Variants in NCOA2 observed in about 807,000 individuals in gnomAD.
The protein encoded by NCOA2 is nuclear receptor coactivator 2.
A neutral mutation model predicts 145.1 loss-of-function variants in NCOA2; 21 were observed. That is an observed-to-expected ratio of 0.14 (90% CI 0.10 to 0.21). NCOA2 has a LOEUF of 0.21. NCOA2 is among the 10% of genes least tolerant of loss of function. The probability of loss-of-function intolerance (pLI) is 1.00; values close to 1 mark genes in which losing one functional copy is unlikely to be tolerated. For missense variants in NCOA2, 1,472 were observed against 1,837.6 expected (o/e 0.80, Z 3.64); for synonymous variants, 619 against 637.5 (o/e 0.97, Z 0.44).
chr8:70,242,072 C>A (rs921737877), intron 2 of NCOA2, among the ~76,000 whole-genome samples: 2 of 152,092 alleles, frequency 1.3e-5, no homozygotes, highest in Non-Finnish European at 2.9e-5. Flanking sequence ...ATTTATCATT[C>A]ATTTTGACTA....
At chr8:70,271,999 C>T (rs1430236557) in intron 2 of NCOA2, among the ~76,000 whole-genome samples, 1 of 152,178 alleles carries the variant, frequency 6.6e-6, no homozygotes, top group African/African-American at 2.4e-5. Flanking sequence ...GAATTCTTCA[C>T]ACATGTGTAA....
chr8:70,314,196 AAAAAAAAAAAAAG>A (rs1805376023), intron 1 of NCOA2, among the ~76,000 whole-genome samples: 1 of 146,688 alleles, frequency 6.8e-6, no homozygotes, highest in South Asian at 2.1e-4. Flanking sequence ...AAAAAAAAAA[AAAAAAAAAAAAAG>A]CAACTGTCAT....
At chr8:70,426,311 A>G in the NCOA2 span, among the ~76,000 whole-genome samples, 2 of 152,252 alleles carry the variant, frequency 1.3e-5, no homozygotes, top group Non-Finnish European at 2.9e-5. Flanking sequence ...ATTCATACTA[A>G]AATAAAACTA....
At chr8:70,235,797 T>C (rs867718494) in intron 2 of NCOA2, among the ~76,000 whole-genome samples, 8 of 152,286 alleles carry the variant, frequency 5.3e-5, no homozygotes, top group Middle Eastern at 3.4e-3. Flanking sequence ...TGAACTATGA[T>C]CGCACCACTA....
intron 4 of NCOA2, among the ~76,000 whole-genome samples, chr8:70,175,404 G>A (rs1290026764): frequency 6.6e-6 from 1 of 152,210 alleles, no homozygotes; most frequent in African/African-American, 2.4e-5. Context: ...TTTGGTCCCT[G>A]ACTTGTTCAA....
At position 70,144,648 on chromosome 8, in the gene NCOA2, T is replaced by G; in HGVS notation, c.2806A>C (p.Ser936Arg). 2 of 1,613,240 alleles carry G rather than the reference T, an allele frequency of 1.2e-6. No individual in the cohort carries two copies. Among genetic ancestry groups the G allele is most frequent in the Non-Finnish European group, 1.7e-6 (2 of 1,179,162 alleles). The change falls in exon 13 of 23, where the codon AGC (serine) becomes CGC (arginine). Residue 936 changes from serine (S) to arginine (R), a missense_variant. Ser to Arg is a moderately radical substitution (Grantham distance 110). Coordinates refer to ENST00000452400, the MANE Select transcript of NCOA2 (RefSeq NM_006540.4). ...IGNQGNLGNS[S>R]TGMIGNSASR... ...AGTGCATTTGACCCCTTACCTGTGC[T>G]ACTGTTCCCTAAATTTCCTTGGTTT... is the stretch of plus-strand genomic sequence containing the variant.
chr8:70,393,875 C>A (rs1813422783), intron 1 of NCOA2, among the ~76,000 whole-genome samples: 1 of 152,178 alleles, frequency 6.6e-6, no homozygotes, highest in Non-Finnish European at 1.5e-5. Flanking sequence ...TTTTGTTTTC[C>A]AATGCCCTTC....
At chr8:70,182,593 G>A (rs1815612094) in intron 4 of NCOA2, among the ~76,000 whole-genome samples, 1 of 152,126 alleles carries the variant, frequency 6.6e-6, no homozygotes, top group Admixed American at 6.6e-5. Flanking sequence ...AAATGCTTTT[G>A]TTCATGGGAA....
At chr8:70,257,656 T>C (rs1211431243) in intron 2 of NCOA2, among the ~76,000 whole-genome samples, 1 of 150,652 alleles carries the variant, frequency 6.6e-6, no homozygotes, top group Non-Finnish European at 1.5e-5. Context: ...CCCCCGCCCC[T>C]TTCCAAATGC....
chr8:70,127,951 G>A (rs1007687365), intron 18 of NCOA2, among the ~76,000 whole-genome samples: 1 of 152,158 alleles, frequency 6.6e-6, no homozygotes, highest in Non-Finnish European at 1.5e-5. Flanking sequence ...CCCAGGCATG[G>A]TGCTGCAGTG....
chr8:70,253,461 CA>C (rs1389193404), intron 2 of NCOA2, among the ~76,000 whole-genome samples: 1 of 152,032 alleles, frequency 6.6e-6, no homozygotes, highest in East Asian at 1.9e-4. Flanking sequence ...AGAAATGTAT[CA>C]AAAATGATAC....
At chr8:70,356,524 G>C (rs1809711771) in intron 1 of NCOA2, among the ~76,000 whole-genome samples, 2 of 152,144 alleles carry the variant, frequency 1.3e-5, no homozygotes, top group Admixed American at 1.3e-4. Context: ...ATAAAGGCTA[G>C]AAAGTTTCAA....
At chr8:70,161,746 G>A (rs1223871237) in intron 9 of NCOA2, among the ~76,000 whole-genome samples, 2 of 152,182 alleles carry the variant, frequency 1.3e-5, no homozygotes, top group African/African-American at 4.8e-5. Flanking sequence ...GTTACAAGCT[G>A]CACTGCACTG....
intron 1 of NCOA2, among the ~76,000 whole-genome samples, chr8:70,354,884 T>C (rs960905348): frequency 6.6e-6 from 1 of 152,194 alleles, no homozygotes; most frequent in African/African-American, 2.4e-5. Flanking sequence ...AGTTTATTAT[T>C]CTCTGAGATG....
At chr8:70,234,302 A>G (rs1586197438) in intron 2 of NCOA2, among the ~76,000 whole-genome samples, 1 of 152,344 alleles carries the variant, frequency 6.6e-6, no homozygotes, top group South Asian at 2.1e-4. Flanking sequence ...GGCTATTATG[A>G]ATAATGCTAT....
At chr8:70,162,978 G>A (rs376206090) in intron 8 of NCOA2, 124 bp from the exon 9 acceptor site, 9 of 959,002 alleles carry the variant, frequency 9.4e-6, no homozygotes, top group Admixed American at 2.8e-5. Flanking sequence ...GCAGTGGTGC[G>A]ATCTCAGCTC....
In NCOA2 at chr8:70,184,109, G is replaced by A. The variant is rs564624090; in HGVS notation, c.260-9250C>T. ...AAAGTATTAGGTAGAGATGGGATGA[G>A]AAAAAAGGTCAGACCGTATTTGCTA... On this transcript the variant is annotated intron_variant, in intron 4 of 22. Coordinates refer to ENST00000452400, the MANE Select transcript of NCOA2 (RefSeq NM_006540.4). 5.3e-5 allele frequency among the ~76,000 whole-genome samples: 8 copies of A among 152,246 alleles called. No homozygotes were observed. The East Asian group carries it at 9.6e-4, about 18-fold the overall frequency.
intron 2 of NCOA2, among the ~76,000 whole-genome samples, chr8:70,255,419 C>T (rs978370577): frequency 7.9e-5 from 12 of 152,176 alleles, no homozygotes; most frequent in African/African-American, 2.4e-5. Context: ...TTTAGATCCA[C>T]GCTTTAAGCA....
chr8:70,243,287 T>C (rs376548964), intron 2 of NCOA2, among the ~76,000 whole-genome samples: 2 of 152,046 alleles, frequency 1.3e-5, no homozygotes, highest in African/African-American at 4.8e-5. Context: ...AAAACTACCA[T>C]CCAAATCTGC....
Sources: allele counts gnomAD v4.1 joint callset (sites outside exome capture counted in the v4.1 genomes callset), GRCh38; gene constraint gnomAD v4.1.1; transcripts MANE v1.5; gene names NCBI Gene and HGNC (gene_info 2026-07-23, HGNC 2026-07-21).